Variants in FREM2 observed in about 807,000 individuals in gnomAD.
FREM2 encodes FRAS1-related extracellular matrix protein 2.
A neutral mutation model predicts 219.9 loss-of-function variants in FREM2; 119 were observed. That is an observed-to-expected ratio of 0.54 (90% CI 0.47 to 0.63). The LOEUF (loss-of-function observed/expected upper bound fraction) is 0.63. Ranked by LOEUF, FREM2 falls within the 30% of genes least tolerant of loss-of-function variation. The pLI is 0.00. For synonymous variants in FREM2, 1,562 were observed against 1,522.8 expected (o/e 1.03, Z -0.60); for missense variants, 4,030 against 3,993.6 (o/e 1.01, Z -0.25).
chr13:38,812,570 A>T (rs1313392363), intron 6 of FREM2, among the ~76,000 whole-genome samples: 1 of 152,146 alleles, frequency 6.6e-6, no homozygotes, highest in Non-Finnish European at 1.5e-5. Context: ...ACAAACATGC[A>T]CAAGAAAACT....
chr13:38,758,468 T>C (rs2137802894), intron 2 of FREM2, among the ~76,000 whole-genome samples: 1 of 152,314 alleles, frequency 6.6e-6, no homozygotes, highest in East Asian at 1.9e-4. Context: ...TCATTATCAG[T>C]GCCTCTCACA....
At chr13:38,816,003 A>T (rs779255476) in intron 6 of FREM2, among the ~76,000 whole-genome samples, 3 of 152,192 alleles carry the variant, frequency 2.0e-5, no homozygotes, top group Non-Finnish European at 2.9e-5. Flanking sequence ...AAATTCCTGG[A>T]CACATACAAC....
At position 38,814,446 on chromosome 13, in the gene FREM2, C is replaced by A. The variant is rs79460633; in HGVS notation, c.6019+29638C>A. On this transcript the variant is annotated intron_variant, in intron 6 of 23. Transcript: ENST00000280481. ...TGGTGGTCTTGGCTGAGATCCAGAGCAGTTCTCTGGATTACAAGGCAGAGG... is the reference window on the plus strand; with the variant it reads ...TGGTGGTCTTGGCTGAGATCCAGAGAAGTTCTCTGGATTACAAGGCAGAGG... 5.3e-3 allele frequency among the ~76,000 whole-genome samples: 808 copies of A among 152,308 alleles called. 36 individuals are homozygous for A. In the East Asian group the frequency reaches 0.11, roughly 20 times the overall value.
In FREM2 at chr13:38,850,074, G is replaced by T. The variant is rs371458568; in HGVS notation, c.6416G>T (p.Gly2139Val). The change falls in exon 9 of 24, where the codon GGC becomes GTC. Residue 2139 changes from glycine to valine, a missense_variant. Gly to Val is a moderately radical substitution (Grantham distance 109). Coordinates refer to ENST00000280481, the MANE Select transcript of FREM2 (RefSeq NM_207361.6). ...CAATTCAAAGAACGAATATATACTG[G>T]CAGCGAAAGTGATGGGCAGATAGTT... ...KMQFKERIYT[G>V]SESDGQIVTM... The T allele has an allele frequency of 3.1e-6, 5 of 1,613,804 alleles. No individual in the cohort carries two copies. In the African/African-American group the frequency reaches 5.3e-5, roughly 17 times the overall value.
chr13:38,880,589 C>T lies in FREM2; in HGVS notation c.9312C>T (p.Ser3104=), dbSNP rs1173210702. 1 of 1,613,982 alleles carries T rather than the reference C, an allele frequency of 6.2e-7. No individual in the cohort carries two copies. The highest frequency in any genetic ancestry group is 2.2e-5 in the East Asian group (1 of 44,862). Residue 3104 remains serine, a synonymous_variant, in exon 24 of 24, where the codon AGC becomes AGT. Transcript: ENST00000280481. The stretch of plus-strand genomic sequence containing the variant: ...GCATCCTCCCCTGGGAGCTCAACAG[C>T]CCCAGCTCTGCAGTCAGCCTGGTCA... ...PDGILPWELN[S]PSSAVSLVTV... is the part of the protein sequence containing the mutation.
rs183729804 is a variant in FREM2, at chr13:38,723,143, G to A, written c.5263+25356G>A. Among the ~76,000 whole-genome samples, 607 of 152,206 alleles carry A rather than the reference G, an allele frequency of 4.0e-3. 4 individuals are homozygous for A. Among genetic ancestry groups the A allele is most frequent in the African/African-American group, 0.014 (584 of 41,526 alleles). On this transcript the variant is annotated intron_variant, in intron 2 of 23. Transcript: ENST00000280481. The stretch of plus-strand genomic sequence containing the variant: ...CCAGCTGCTTGGGAGGCTGAGGCTG[G>A]AGAATCACTTGAACCTGGGAGGTGG...
At chr13:38,749,422 A>G (rs534203693) in intron 2 of FREM2, among the ~76,000 whole-genome samples, 1 of 152,336 alleles carries the variant, frequency 6.6e-6, no homozygotes, top group Admixed American at 6.5e-5. Context: ...TATATTCACA[A>G]TTCAATTTAT....
intron 6 of FREM2, among the ~76,000 whole-genome samples, chr13:38,805,460 T>C (rs1331401888): frequency 6.6e-6 from 1 of 151,900 alleles, no homozygotes; most frequent in Non-Finnish European, 1.5e-5. Flanking sequence ...GATGAGACTC[T>C]ATTTAAACAT....
Position 38,688,768 on chromosome 13 carries a change from A to T in FREM2, c.1424A>T (p.Asp475Val), listed in dbSNP as rs765207251. The T allele has an allele frequency of 2.5e-6, 4 of 1,613,894 alleles. No individual in the cohort carries two copies. In the South Asian group the frequency reaches 4.4e-5, roughly 18 times the overall value. The part of the protein sequence containing the change: ...PQNLVISDED[D>V]LEAVRLEVVA... ...AACTTGGTCATCAGCGATGAGGATG[A>T]CCTAGAAGCAGTGCGGCTAGAGGTG... is the stretch of plus-strand genomic sequence containing the variant. The change falls in exon 1 of 24, where the codon GAC becomes GTC. Residue 475 changes from aspartate (D) to valine (V), a missense_variant. Physicochemically the swap from Asp to Val is radical, Grantham distance 152. This residue lies in a region of FREM2 where 3,102 missense variants were observed against 2,950.7 expected (regional missense o/e 1.05). Coordinates refer to ENST00000280481, the MANE Select transcript of FREM2 (RefSeq NM_207361.6).
rs369060765 is a variant in FREM2 at position 38,699,881 on chromosome 13, T to C, written c.5263+2094T>C. On this transcript the variant is annotated intron_variant, in intron 2 of 23. Coordinates refer to ENST00000280481, the MANE Select transcript of FREM2 (RefSeq NM_207361.6). ...GCAATACTGTTTAAACTTAATTAAC[T>C]GTAGTGATTTATTGTCGTCTAGTCT... Among the ~76,000 whole-genome samples, 142 of 152,228 alleles carry C rather than the reference T, an allele frequency of 9.3e-4. 1 individual carries two copies. The highest frequency in any genetic ancestry group is 3.4e-3 in the African/African-American group (141 of 41,570).
At chr13:38,806,939 GAA>G (rs1182966234) in intron 6 of FREM2, among the ~76,000 whole-genome samples, 3 of 151,314 alleles carry the variant, frequency 2.0e-5, no homozygotes, top group Non-Finnish European at 4.4e-5. Context: ...TCCATCTCAA[GAA>G]ACCACTTTCT....
chr13:38,773,572 C>T (rs565098109), intron 4 of FREM2, among the ~76,000 whole-genome samples: 1 of 152,076 alleles, frequency 6.6e-6, no homozygotes, highest in Non-Finnish European at 1.5e-5. Context: ...TTCCTTGTTT[C>T]GTTGTGTTTG....
At chr13:38,864,201 A>T (rs907339423) in intron 15 of FREM2, 74 bp from the exon 16 acceptor site, 10 of 1,114,342 alleles carry the variant, frequency 9.0e-6, no homozygotes, top group Non-Finnish European at 1.4e-5. Context: ...TTCTTAAGAG[A>T]TAAAGAAGTT....
intron 6 of FREM2, among the ~76,000 whole-genome samples, chr13:38,801,497 T>A (rs1875005395): frequency 6.6e-6 from 1 of 152,238 alleles, no homozygotes; most frequent in Admixed American, 6.5e-5. Context: ...GGTGATGACT[T>A]TTTATTGACG....
Position 38,689,670 on chromosome 13 carries a change from CAA to C in FREM2, c.2327_2328del (p.Gln776ArgfsTer7). Reference sequence around the variant, plus strand: ...CTCAGTCGTGGTGACCCATTTTACCCAAGCCCAGATCAACCATCATAAAATTG... The same window carrying C: ...CTCAGTCGTGGTGACCCATTTTACCCGCCCAGATCAACCATCATAAAATTG... Reference protein sequence around the residue: ...NPSVVVTHFTQAQINHHKIAY... With the variant: ...NPSVVVTHFTXAQINHHKIAY... On this transcript the variant is annotated frameshift_variant, in exon 1 of 24. Coordinates refer to ENST00000280481, the MANE Select transcript of FREM2 (RefSeq NM_207361.6). LOFTEE classifies it high-confidence loss of function. The C allele has an allele frequency of 6.2e-7, 1 of 1,614,116 alleles. No homozygotes were observed. The highest frequency in any genetic ancestry group is 8.5e-7 in the Non-Finnish European group (1 of 1,180,018).
intron 4 of FREM2, among the ~76,000 whole-genome samples, chr13:38,781,551 C>T (rs554698470): frequency 1.3e-5 from 2 of 152,098 alleles, no homozygotes; most frequent in East Asian, 1.9e-4. Context: ...CTTCTGTATC[C>T]CCTGCACAGT....
At chr13:38,843,467 G>A (rs1335492636) in intron 6 of FREM2, among the ~76,000 whole-genome samples, 2 of 151,204 alleles carry the variant, frequency 1.3e-5, no homozygotes, top group Admixed American at 1.3e-4. Context: ...ACCAAAGAAA[G>A]AGGTGAGTTA....
intron 6 of FREM2, among the ~76,000 whole-genome samples, chr13:38,840,679 CAT>C (rs1174451688): frequency 3.0e-5 from 4 of 131,424 alleles, no homozygotes; most frequent in Non-Finnish European, 4.7e-5. Flanking sequence ...CATATGTATA[CAT>C]GTGTGTATAT....
chr13:38,830,700 C>CA (rs1372024845), intron 6 of FREM2, among the ~76,000 whole-genome samples: 2 of 152,218 alleles, frequency 1.3e-5, no homozygotes, highest in Non-Finnish European at 2.9e-5. Flanking sequence ...ACTGCACACT[C>CA]ACGTCTTTCT....
Sources: gnomAD v4.1 joint callset for allele counts (sites outside exome capture counted in the v4.1 genomes callset) on GRCh38, gnomAD v4.1.1 for gene constraint, gnomAD v4.1.1 regional missense constraint, MANE v1.5 for transcripts, NCBI Gene and HGNC (gene_info 2026-07-23, HGNC 2026-07-21) for gene names.